Variants in FAM90A24 observed in about 807,000 individuals in gnomAD.
The protein encoded by FAM90A24 is protein FAM90A24.
the FAM90A24 span, among the ~76,000 whole-genome samples, chr8:8,022,562 G>A: frequency 4.7e-5 from 4 of 85,302 alleles, no homozygotes; most frequent in Admixed American, 1.6e-4. Context: ...CAAAGCCCAC[G>A]GGACGGAGGA....
chr8:8,022,697 G>A, the FAM90A24 span, among the ~76,000 whole-genome samples: 4 of 67,964 alleles, frequency 5.9e-5, no homozygotes, highest in Admixed American at 2.1e-4. Context: ...AGTCTCTCAA[G>A]GGACCTATCG....
chr8:8,022,687 A>T, the FAM90A24 span, among the ~76,000 whole-genome samples: 1 of 70,418 alleles, frequency 1.4e-5, no homozygotes, highest in Non-Finnish European at 3.0e-5. Context: ...TGCCCCCAAG[A>T]GTCTCTCAAG....
At chr8:8,022,647 C>T in the FAM90A24 span, among the ~76,000 whole-genome samples, 3 of 78,204 alleles carry the variant, frequency 3.8e-5, no homozygotes, top group African/African-American at 7.4e-5. Flanking sequence ...CCAAACGTGG[C>T]TATACAGGAC....
Sources: allele counts gnomAD v4.1 joint callset (sites outside exome capture counted in the v4.1 genomes callset), GRCh38; gene constraint gnomAD v4.1.1; transcripts MANE v1.5; gene names NCBI Gene and HGNC (gene_info 2026-07-23, HGNC 2026-07-21).